The following CSPP1 variants were observed in gnomAD, a reference collection of about 807,000 sequenced individuals.
The protein encoded by CSPP1 is centrosome and spindle pole-associated protein 1.
In CSPP1, 126 loss-of-function variants were observed where a neutral mutation model predicts 164.4. That is an observed-to-expected ratio of 0.77 (90% CI 0.66 to 0.89). CSPP1 has a LOEUF of 0.89. Among genes scored for constraint, CSPP1 ranks in the 40% least tolerant of loss-of-function variants. The pLI is 0.00. For missense variants in CSPP1, 1,395 were observed against 1,449.8 expected (o/e 0.96, Z 0.61); for synonymous variants, 472 against 476.7 (o/e 0.99, Z 0.13).
At position 67,091,790 on chromosome 8, in the gene CSPP1, TG is replaced by T; in HGVS notation, c.304-12del. 1 of 1,075,244 alleles carries T rather than the reference TG, an allele frequency of 9.3e-7. No homozygotes were observed. The highest frequency in any genetic ancestry group is 1.3e-6 in the Non-Finnish European group (1 of 794,748). The allele number at this position is 1,075,244 out of a possible 1,614,324, so 66.6% of individuals were successfully genotyped here. Reference sequence around the variant, plus strand: ...AATTAGGTAATATATTTTTTTAATGTGTATATATACAGAAAAATTTTCTATC... The same window carrying T: ...AATTAGGTAATATATTTTTTTAATGTTATATATACAGAAAAATTTTCTATC... On this transcript the variant is annotated splice_polypyrimidine_tract_variant and intron_variant, in intron 4 of 30. Coordinates refer to ENST00000678616, the MANE Select transcript of CSPP1 (RefSeq NM_001382391.1).
At chr8:67,146,558 G>T (rs1406565466) in intron 17 of CSPP1, among the ~76,000 whole-genome samples, 4 of 152,116 alleles carry the variant, frequency 2.6e-5, no homozygotes, top group Non-Finnish European at 5.9e-5. Flanking sequence ...TGTATTGTTA[G>T]TAGTGCTAGG....
chr8:67,168,495 A>G (rs1829911003), intron 24 of CSPP1, among the ~76,000 whole-genome samples: 1 of 152,230 alleles, frequency 6.6e-6, no homozygotes, highest in African/African-American at 2.4e-5. Flanking sequence ...CTACCCTTTG[A>G]GAATCTAGTG....
chr8:67,076,393 T>C, intron 2 of CSPP1, 89 bp from the exon 3 acceptor site: 1 of 641,030 alleles, frequency 1.6e-6, no homozygotes, highest in Non-Finnish European at 2.6e-6. Context: ...TGTAATTTCA[T>C]CAAGCTGTTT....
intron 1 of CSPP1, among the ~76,000 whole-genome samples, 190 bp from the exon 2 acceptor site, chr8:67,074,053 A>C (rs1159384750): frequency 6.6e-6 from 1 of 152,072 alleles, no homozygotes; most frequent in East Asian, 1.9e-4. Context: ...CAGATATTTT[A>C]AAGTATATTG....
intron 15 of CSPP1, among the ~76,000 whole-genome samples, chr8:67,129,593 A>C (rs1820795633): frequency 6.6e-6 from 1 of 152,218 alleles, no homozygotes; most frequent in Non-Finnish European, 1.5e-5. Flanking sequence ...ATAATAGTCA[A>C]AAAGTGGAAA....
intron 26 of CSPP1, among the ~76,000 whole-genome samples, chr8:67,176,012 T>C (rs1831531309): frequency 6.6e-6 from 1 of 151,852 alleles, no homozygotes; most frequent in African/African-American, 2.4e-5. Context: ...TTATATTTTG[T>C]TGGAGAAGTG....
chr8:67,107,059 T>A (rs79546222), intron 9 of CSPP1, among the ~76,000 whole-genome samples: 6 of 151,920 alleles, frequency 3.9e-5, no homozygotes, highest in Non-Finnish European at 7.4e-5. Flanking sequence ...TTTTTTTTTT[T>A]AATTTTGAAA....
chr8:67,076,437 GT>G (rs372627483), intron 2 of CSPP1, 44 bp from the exon 3 acceptor site: 1,920 of 1,037,214 alleles, frequency 1.9e-3, no homozygotes, highest in South Asian at 2.7e-3. Flanking sequence ...ATATTTCATG[GT>G]TTTTTTTTTC....
At chr8:67,076,612 A>G (rs1807970519) in intron 3 of CSPP1, 31 bp downstream of exon 3, 2 of 1,256,148 alleles carry the variant, frequency 1.6e-6, no homozygotes, top group African/African-American at 3.1e-5. Context: ...AACTTATTTT[A>G]AGATATCCTT....
rs925310954 is a variant in CSPP1, at chr8:67,195,668, A to G, written c.*75A>G. ...TAAATCTGTACCTTTAATATGTCCT[A>G]CTTTTGGCCCCTACCTGAAAGTTAC... is the stretch of plus-strand genomic sequence containing the variant. On this transcript the variant is annotated 3_prime_UTR_variant, in exon 31 of 31. Transcript: ENST00000678616. The G allele has an allele frequency of 7.6e-7, 1 of 1,314,122 alleles. No individual in the cohort carries two copies. Among genetic ancestry groups the G allele is most frequent in the Non-Finnish European group, 1.1e-6 (1 of 935,686 alleles). 81.4% of individuals were successfully genotyped at this position (1,314,122 alleles called of 1,614,324 possible).
At chr8:67,071,492 A>G (rs1336522082) in intron 1 of CSPP1, among the ~76,000 whole-genome samples, 1 of 151,918 alleles carries the variant, frequency 6.6e-6, no homozygotes, top group African/African-American at 2.4e-5. Context: ...CTGTGGCTTC[A>G]ACTGTTACCT....
intron 18 of CSPP1, among the ~76,000 whole-genome samples, chr8:67,152,800 G>A (rs1415265048): frequency 6.6e-6 from 1 of 152,220 alleles, no homozygotes; most frequent in Non-Finnish European, 1.5e-5. Flanking sequence ...CTTTCTGCCA[G>A]TCTGTTCAAA....
At chr8:67,148,354 T>C (rs1044196560) in intron 17 of CSPP1, among the ~76,000 whole-genome samples, 2 of 152,240 alleles carry the variant, frequency 1.3e-5, no homozygotes, top group Non-Finnish European at 2.9e-5. Context: ...TCCAGTCTTA[T>C]TTGCCATTGC....
chr8:67,171,111 G>T (rs1293825400), intron 24 of CSPP1, among the ~76,000 whole-genome samples: 1 of 147,798 alleles, frequency 6.8e-6, no homozygotes, highest in Admixed American at 6.7e-5. Flanking sequence ...TTTAAGAGAC[G>T]GGGGGCCGGG....
chr8:67,101,761 G>A (rs541060662), intron 7 of CSPP1, among the ~76,000 whole-genome samples: 38 of 152,164 alleles, frequency 2.5e-4, no homozygotes, highest in Non-Finnish European at 4.7e-4. Context: ...TGGAGAGTGA[G>A]AAGTTTCTTT....
chr8:67,093,722 T>C, intron 6 of CSPP1, 81 bp downstream of exon 6: 1 of 787,526 alleles, frequency 1.3e-6, no homozygotes. Flanking sequence ...TTTTCTATTT[T>C]AGACATTTTA....
intron 25 of CSPP1, chr8:67,174,442 C>T (rs1350803550): frequency 6.6e-6 from 1 of 152,026 alleles, no homozygotes; most frequent in East Asian, 1.9e-4. Flanking sequence ...TATGTATGAA[C>T]TGTATGTTTC....
intron 8 of CSPP1, 96 bp from the exon 9 acceptor site, chr8:67,105,809 G>A (rs543701585): frequency 9.5e-5 from 67 of 704,398 alleles, no homozygotes; most frequent in Non-Finnish European, 1.6e-4. Flanking sequence ...ACTTTGAAAG[G>A]CTAATAATTC....
At chr8:67,103,253 G>C in intron 8 of CSPP1, 118 bp downstream of exon 8, 2 of 606,526 alleles carry the variant, frequency 3.3e-6, no homozygotes, top group South Asian at 4.2e-5. Flanking sequence ...TTCCTTCTTA[G>C]TGAGAAGTGA....
Sources: gnomAD v4.1 joint callset for allele counts (sites outside exome capture counted in the v4.1 genomes callset) on GRCh38, gnomAD v4.1.1 for gene constraint, MANE v1.5 for transcripts, NCBI Gene and HGNC (gene_info 2026-07-23, HGNC 2026-07-21) for gene names.